The following OSMR variants were observed in gnomAD, a reference collection of about 807,000 sequenced individuals.
OSMR encodes oncostatin-M-specific receptor subunit beta.
OSMR carries 81 observed loss-of-function variants against 99.9 expected under a neutral mutation model. That is an observed-to-expected ratio of 0.81 (90% CI 0.68 to 0.97). OSMR has a LOEUF of 0.97. Ranked by LOEUF, OSMR falls within the 50% of genes least tolerant of loss-of-function variation. The pLI is 0.00. For missense variants in OSMR, 1,099 were observed against 1,153.4 expected (o/e 0.95, Z 0.68); for synonymous variants, 406 against 410.4 (o/e 0.99, Z 0.13).
intron 2 of OSMR, among the ~76,000 whole-genome samples, chr5:38,871,986 TG>T (rs1742421065): frequency 6.6e-6 from 1 of 152,182 alleles, no homozygotes; most frequent in African/African-American, 2.4e-5. Flanking sequence ...TTCCCAAACC[TG>T]GCCTTCTTGG....
chr5:38,885,385 C>G lies in OSMR; in HGVS notation c.740C>G (p.Thr247Ser), dbSNP rs1357499418. ...GAGCCCAAGGACTTTTCTTGTGAAA[C>G]CGAGGACTTCAAGACTTTGCACTGT... is the stretch of plus-strand genomic sequence containing the variant. Reference protein sequence around the residue: ...LEEPKDFSCETEDFKTLHCTW... With the variant: ...LEEPKDFSCESEDFKTLHCTW... Residue 247 changes from threonine (T) to serine (S), a missense_variant, in exon 6 of 18, where the codon ACC becomes AGC. Coordinates refer to ENST00000274276, the MANE Select transcript of OSMR (RefSeq NM_003999.3). 1 of 1,613,776 alleles carries G rather than the reference C, an allele frequency of 6.2e-7. No individual in the cohort carries two copies.
At chr5:38,903,417 A>G (rs1459235911) in intron 7 of OSMR, among the ~76,000 whole-genome samples, 1 of 152,226 alleles carries the variant, frequency 6.6e-6, no homozygotes, top group East Asian at 1.9e-4. Context: ...GCATTAAAGG[A>G]CATCCTCTTT....
intron 1 of OSMR, among the ~76,000 whole-genome samples, chr5:38,943,536 G>A (rs1328071666): frequency 6.6e-6 from 1 of 152,124 alleles, no homozygotes; most frequent in African/African-American, 2.4e-5. Flanking sequence ...ACAGCTGGCT[G>A]GGCACGGTGG....
Position 38,885,901 on chromosome 5 carries a change from G to A in OSMR, c.840-138G>A, listed in dbSNP as rs1181224700. On this transcript the variant is annotated intron_variant, in intron 6 of 17. Coordinates refer to ENST00000274276, the MANE Select transcript of OSMR (RefSeq NM_003999.3). Reference sequence around the variant, plus strand: ...AATATTTTCGTTATTGGTATTTGTTGGTGATGGATGGATCAATGCCATTAT... The same window carrying A: ...AATATTTTCGTTATTGGTATTTGTTAGTGATGGATGGATCAATGCCATTAT... 3.4e-6 allele frequency: 5 copies of A among 1,462,006 alleles called. No homozygotes were observed. The East Asian group carries it at 1.2e-4, about 36-fold the overall frequency. The allele number at this position is 1,462,006 out of a possible 1,614,324, so 90.6% of individuals were successfully genotyped here.
At chr5:38,848,808 C>G (rs1304295834) in intron 1 of OSMR, among the ~76,000 whole-genome samples, 1 of 152,164 alleles carries the variant, frequency 6.6e-6, no homozygotes, top group Non-Finnish European at 1.5e-5. Context: ...TGGTCTCACT[C>G]TGTCACACAG....
At chr5:38,932,702 C>T in intron 17 of OSMR, 167 bp downstream of exon 17, 1 of 985,348 alleles carries the variant, frequency 1.0e-6, no homozygotes, top group South Asian at 4.7e-5. Flanking sequence ...TTGATTTCTT[C>T]TGTCAGGGGA....
downstream of OSMR, chr5:38,945,287 G>A (rs144907937): frequency 4.7e-4 from 286 of 608,198 alleles, no homozygotes; most frequent in African/African-American, 4.9e-3. Flanking sequence ...ACCTAATCCA[G>A]GGATCTGTCA....
chr5:38,866,221 C>T (rs1052870430), intron 1 of OSMR, among the ~76,000 whole-genome samples: 4 of 152,094 alleles, frequency 2.6e-5, no homozygotes, highest in African/African-American at 4.8e-5. Flanking sequence ...TCAGGCCTCC[C>T]GATGTTGTGC....
chr5:38,859,560 A>G (rs954161885), intron 1 of OSMR, among the ~76,000 whole-genome samples: 2 of 152,156 alleles, frequency 1.3e-5, no homozygotes, highest in Non-Finnish European at 2.9e-5. Context: ...CTTTTTGCTT[A>G]GGATTGCTTT....
chr5:38,904,336 C>CT lies in OSMR; in HGVS notation c.1135-11dup, dbSNP rs750649074. The CT allele has an allele frequency of 3.7e-6, 6 of 1,612,524 alleles. No homozygotes were observed. Among genetic ancestry groups the CT allele is most frequent in the East Asian group, 4.5e-5 (2 of 44,818 alleles). On this transcript the variant is annotated splice_polypyrimidine_tract_variant and intron_variant, in intron 8 of 17. Coordinates refer to ENST00000274276, the MANE Select transcript of OSMR (RefSeq NM_003999.3). Reference sequence around the variant, plus strand: ...TCTTTTCTCTTTTTTCTTTTCTTCTCTTTTTTGATCAAGCAGTACAATGTT... The same window carrying CT: ...TCTTTTCTCTTTTTTCTTTTCTTCTCTTTTTTTGATCAAGCAGTACAATGTT...
chr5:38,885,268 C>G (rs903558701), intron 5 of OSMR, 81 bp from the exon 6 acceptor site: 3 of 1,598,246 alleles, frequency 1.9e-6, no homozygotes, highest in African/African-American at 2.7e-5. Context: ...TCTGTGGCTT[C>G]AGACTCTAAA....
chr5:38,859,716 C>A (rs1741126341), intron 1 of OSMR, among the ~76,000 whole-genome samples: 1 of 149,374 alleles, frequency 6.7e-6, no homozygotes, highest in Non-Finnish European at 1.5e-5. Flanking sequence ...AATATTATTT[C>A]TTCCAATTTA....
chr5:38,899,525 G>A (rs1050091577), intron 7 of OSMR, among the ~76,000 whole-genome samples: 1 of 152,156 alleles, frequency 6.6e-6, no homozygotes, highest in African/African-American at 2.4e-5. Context: ...CTCACCTGAA[G>A]CCAGCACGTC....
intron 9 of OSMR, among the ~76,000 whole-genome samples, chr5:38,915,996 A>G (rs1038019926): frequency 1.3e-5 from 2 of 152,172 alleles, no homozygotes; most frequent in Non-Finnish European, 2.9e-5. Context: ...CTTGTGGCTT[A>G]TGAATGTTTT....
At chr5:38,883,786 T>C in intron 4 of OSMR, 41 bp from the exon 5 acceptor site, 1 of 1,611,788 alleles carries the variant, frequency 6.2e-7, no homozygotes, top group African/African-American at 1.3e-5. Context: ...AGGCTTGAAT[T>C]TTGAGTGCGA....
At chr5:38,908,079 A>C (rs929477351) in intron 9 of OSMR, among the ~76,000 whole-genome samples, 5 of 152,088 alleles carry the variant, frequency 3.3e-5, no homozygotes, top group Non-Finnish European at 7.4e-5. Context: ...GCATGCACAG[A>C]CACCAGCAAC....
downstream of OSMR, chr5:38,938,245 AAAG>A (rs1278494298): frequency 2.6e-5 from 6 of 226,660 alleles, no homozygotes; most frequent in Non-Finnish European, 4.4e-5. Context: ...ACTAAATAAA[AAAG>A]AAGAAACTCA....
intron 15 of OSMR, among the ~76,000 whole-genome samples, chr5:38,927,176 TTGAG>T (rs1455227217): frequency 1.3e-5 from 2 of 152,218 alleles, no homozygotes; most frequent in Non-Finnish European, 2.9e-5. Flanking sequence ...TGGGCTGGCA[TTGAG>T]TGTCTTGGCT....
chr5:38,924,990 T>TAACAA (rs1469883205), intron 14 of OSMR: 4 of 614,296 alleles, frequency 6.5e-6, no homozygotes, highest in Non-Finnish European at 8.1e-6. Context: ...TACCCCTTGT[T>TAACAA]CAGTGGATTT....
Sources: gnomAD v4.1 joint callset for allele counts (sites outside exome capture counted in the v4.1 genomes callset) on GRCh38, gnomAD v4.1.1 for gene constraint, MANE v1.5 for transcripts, NCBI Gene and HGNC (gene_info 2026-07-23, HGNC 2026-07-21) for gene names.